HECW2: variants seen among roughly 807,000 people sequenced by gnomAD.
HECW2 encodes E3 ubiquitin-protein ligase HECW2.
HECW2 carries 61 observed loss-of-function variants against 175.2 expected under a neutral mutation model. The observed-to-expected ratio is 0.35, with a 90% CI of 0.28 to 0.43. The LOEUF (loss-of-function observed/expected upper bound fraction) is 0.43, where lower values mean the gene tolerates loss of function less well. Ranked by LOEUF, HECW2 falls within the 20% of genes least tolerant of loss-of-function variation. The pLI, the probability that HECW2 is intolerant of heterozygous loss-of-function variation, is 1.00. For missense variants in HECW2, 1,524 were observed against 2,000.5 expected (o/e 0.76, Z 4.54); for synonymous variants, 671 against 731.0 (o/e 0.92, Z 1.32).
intron 2 of HECW2, among the ~76,000 whole-genome samples, chr2:196,358,585 C>CAAAA (rs144181608): frequency 1.6e-4 from 11 of 67,352 alleles, no homozygotes; most frequent in African/African-American, 5.1e-4. Context: ...GACTCTGTCT[C>CAAAA]AAAAAAAAAA....
chr2:196,299,025 A>G (rs534732684), intron 13 of HECW2, among the ~76,000 whole-genome samples: 1 of 152,350 alleles, frequency 6.6e-6, no homozygotes, highest in African/African-American at 2.4e-5. Context: ...AGTTATCTCC[A>G]TTAATTCATA....
At chr2:196,587,937 A>G (rs1691045905) in intron 1 of HECW2, among the ~76,000 whole-genome samples, 1 of 152,148 alleles carries the variant, frequency 6.6e-6, no homozygotes, top group Non-Finnish European at 1.5e-5. Flanking sequence ...CTTTGAACAT[A>G]TCCAAACACA....
intron 3 of HECW2, among the ~76,000 whole-genome samples, chr2:196,339,423 C>A (rs187762085): frequency 3.8e-4 from 58 of 152,162 alleles, no homozygotes; most frequent in African/African-American, 1.3e-3. Context: ...GTAATTTATA[C>A]AAATATCAGT....
Position 196,247,795 on chromosome 2 carries a change from G to A in HECW2, c.3530-5591C>T, listed in dbSNP as rs1688703658. ...GTCTCAGTCTTTTTTGATTCTGGGT[G>A]TGTGACCCAGAACCTGGACTGTTCT... On this transcript the variant is annotated intron_variant, in intron 19 of 28. Coordinates refer to ENST00000644978, the MANE Select transcript of HECW2 (RefSeq NM_001348768.2). 1.3e-5 allele frequency among the ~76,000 whole-genome samples: 2 copies of A among 152,202 alleles called. 1 individual carries two copies. Among genetic ancestry groups the A allele is most frequent in the South Asian group, 4.1e-4 (2 of 4,828 alleles).
At chr2:196,378,337 C>T (rs1451051484) in intron 2 of HECW2, among the ~76,000 whole-genome samples, 3 of 152,028 alleles carry the variant, frequency 2.0e-5, no homozygotes, top group Non-Finnish European at 4.4e-5. Context: ...GAAGAAGCCA[C>T]CACAAATGGT....
At chr2:196,455,999 T>C (rs1356798398) in intron 1 of HECW2, among the ~76,000 whole-genome samples, 1 of 152,020 alleles carries the variant, frequency 6.6e-6, no homozygotes, top group Admixed American at 6.6e-5. Context: ...AAACAGCATA[T>C]ACATTTGGAA....
chr2:196,262,053 G>C (rs1281669057), intron 17 of HECW2, among the ~76,000 whole-genome samples: 1 of 152,154 alleles, frequency 6.6e-6, no homozygotes, highest in Admixed American at 6.5e-5. Flanking sequence ...ATCTGTGGCA[G>C]TCCTCTCTGT....
intron 2 of HECW2, among the ~76,000 whole-genome samples, chr2:196,386,295 G>A (rs1324917972): frequency 2.0e-5 from 3 of 152,136 alleles, no homozygotes; most frequent in East Asian, 1.9e-4. Flanking sequence ...GAACAGAGAG[G>A]GAAAGCTGGG....
Position 196,201,469 on chromosome 2 carries a change from T to G in HECW2, c.4608-81A>C, listed in dbSNP as rs1686856953. On this transcript the variant is annotated intron_variant, in intron 28 of 28. Transcript: ENST00000644978. ...TGTGTGGTGTGTGTGTGTGTGTGTG[T>G]CTGTGTGTGTATGACTGTCTTTCAC... is the stretch of plus-strand genomic sequence containing the variant. 3 of 910,522 alleles carry G rather than the reference T, an allele frequency of 3.3e-6. No individual in the cohort carries two copies. The East Asian group carries it at 7.3e-5, about 22-fold the overall frequency. The allele number at this position is 910,522 out of a possible 1,614,324, so 56.4% of individuals were successfully genotyped here.
chr2:196,448,868 A>G (rs544598173), intron 1 of HECW2, among the ~76,000 whole-genome samples: 1 of 152,350 alleles, frequency 6.6e-6, no homozygotes, highest in African/African-American at 2.4e-5. Flanking sequence ...CTTCCAGAGT[A>G]GCAGCTCAAT....
At chr2:196,302,206 A>T (rs1417722136) in intron 13 of HECW2, among the ~76,000 whole-genome samples, 4 of 152,122 alleles carry the variant, frequency 2.6e-5, no homozygotes, top group Non-Finnish European at 4.4e-5. Context: ...GTAGGTGTGC[A>T]GTCTTATTTC....
chr2:196,241,816 GA>G (rs549996666), intron 20 of HECW2, among the ~76,000 whole-genome samples: 200 of 152,138 alleles, frequency 1.3e-3, no homozygotes, highest in African/African-American at 3.6e-3. Context: ...CTTTTCAGAG[GA>G]AAAAAATAAA....
At chr2:196,515,374 A>G (rs912649333) in intron 1 of HECW2, among the ~76,000 whole-genome samples, 1 of 152,250 alleles carries the variant, frequency 6.6e-6, no homozygotes, top group Non-Finnish European at 1.5e-5. Context: ...AGGCGCAAAC[A>G]AAACTCAGGC....
chr2:196,442,924 G>C (rs922351387), intron 1 of HECW2, among the ~76,000 whole-genome samples: 5 of 152,104 alleles, frequency 3.3e-5, no homozygotes, highest in African/African-American at 4.8e-5. Flanking sequence ...GGGCTCCTTA[G>C]TTGCAAGGAA....
chr2:196,588,914 T>C (rs1691082296), intron 1 of HECW2, among the ~76,000 whole-genome samples: 1 of 152,118 alleles, frequency 6.6e-6, no homozygotes. Context: ...ATAAAAAAGA[T>C]ACATAGGCCG....
intron 28 of HECW2, among the ~76,000 whole-genome samples, chr2:196,208,990 T>A (rs755217348): frequency 6.6e-6 from 1 of 152,172 alleles, no homozygotes; most frequent in Non-Finnish European, 1.5e-5. Context: ...TAGCCAGCAG[T>A]CTACTGCAGT....
chr2:196,421,550 ACG>A (rs1312957916), intron 2 of HECW2, among the ~76,000 whole-genome samples: 1 of 152,178 alleles, frequency 6.6e-6, no homozygotes, highest in Non-Finnish European at 1.5e-5. Context: ...TATAACAAAC[ACG>A]ATAAAATCAG....
intron 21 of HECW2, among the ~76,000 whole-genome samples, chr2:196,230,683 T>C (rs911316556): frequency 6.6e-6 from 1 of 152,236 alleles, no homozygotes; most frequent in African/African-American, 2.4e-5. Context: ...TATCCTGCCT[T>C]TGGAGCAACC....
chr2:196,562,323 G>T (rs917907347), intron 1 of HECW2, among the ~76,000 whole-genome samples: 2 of 152,256 alleles, frequency 1.3e-5, no homozygotes, highest in Admixed American at 6.5e-5. Flanking sequence ...GTATAAAGAA[G>T]TAAAACCACT....
Sources: allele counts gnomAD v4.1 joint callset (sites outside exome capture counted in the v4.1 genomes callset), GRCh38; gene constraint gnomAD v4.1.1; transcripts MANE v1.5; gene names NCBI Gene and HGNC (gene_info 2026-07-23, HGNC 2026-07-21).